NBAS: variants seen among roughly 807,000 people sequenced by gnomAD.
The protein encoded by NBAS is NBAS subunit of NRZ tethering complex.
Under a neutral mutation model 302.5 loss-of-function variants are expected in NBAS, and 219 were observed. The ratio of observed to expected loss-of-function variants is 0.72; its 90% CI spans 0.65 to 0.81. The LOEUF is 0.81. NBAS is among the 30% of genes least tolerant of loss of function. NBAS has a pLI of 0.00. For missense variants in NBAS, 2,932 were observed against 2,841.6 expected (o/e 1.03, Z -0.72); for synonymous variants, 1,118 against 1,021.6 (o/e 1.09, Z -1.80).
At chr2:15,520,399 C>T (rs1175395999) in intron 9 of NBAS, among the ~76,000 whole-genome samples, 1 of 152,112 alleles carries the variant, frequency 6.6e-6, no homozygotes, top group Non-Finnish European at 1.5e-5. Flanking sequence ...GAGCAAGACC[C>T]TGTCTCGAAG....
the NBAS span, among the ~76,000 whole-genome samples, chr2:14,895,093 G>A: frequency 6.6e-6 from 1 of 152,064 alleles, no homozygotes; most frequent in Non-Finnish European, 1.5e-5. Flanking sequence ...CATATTATTT[G>A]GGAATTAGGA....
chr2:15,545,737 T>C (rs1664077217), intron 6 of NBAS, among the ~76,000 whole-genome samples: 1 of 152,242 alleles, frequency 6.6e-6, no homozygotes, highest in Admixed American at 6.5e-5. Flanking sequence ...AATTCAATTC[T>C]ACACAAATTG....
At chr2:15,267,112 CT>C (rs1403616765) in intron 44 of NBAS, among the ~76,000 whole-genome samples, 3 of 152,158 alleles carry the variant, frequency 2.0e-5, no homozygotes, top group Non-Finnish European at 4.4e-5. Flanking sequence ...TAAATATTAT[CT>C]CTTCTTTGTA....
downstream of NBAS, among the ~76,000 whole-genome samples, chr2:15,163,210 G>A (rs56377318): frequency 0.11 from 17,354 of 152,210 alleles, 1,316 homozygotes; most frequent in South Asian, 0.23. Context: ...AGAATAGGGC[G>A]AAGAGAAGTG....
At chr2:15,216,888 C>A (rs991712263) in intron 48 of NBAS, among the ~76,000 whole-genome samples, 14 of 152,208 alleles carry the variant, frequency 9.2e-5, no homozygotes, top group Non-Finnish European at 1.6e-4. Flanking sequence ...GAAGGTGAAA[C>A]TGACCGAGGT....
the NBAS span, among the ~76,000 whole-genome samples, chr2:15,132,601 T>C: frequency 6.6e-6 from 1 of 152,188 alleles, no homozygotes; most frequent in Non-Finnish European, 1.5e-5. Flanking sequence ...AATGTGTCGA[T>C]ATAGGTTCTC....
chr2:14,889,732 TTGACTA>T, the NBAS span, among the ~76,000 whole-genome samples: 1 of 152,186 alleles, frequency 6.6e-6, no homozygotes, highest in South Asian at 2.1e-4. Context: ...ATGTAGGAAT[TTGACTA>T]TGGTATATTG....
intron 40 of NBAS, among the ~76,000 whole-genome samples, chr2:15,299,306 A>G (rs531914737): frequency 6.6e-6 from 1 of 152,346 alleles, no homozygotes; most frequent in South Asian, 2.1e-4. Flanking sequence ...GGAGGTGAAT[A>G]AAGTATGATT....
At chr2:14,833,681 C>A in the NBAS span, among the ~76,000 whole-genome samples, 1 of 150,420 alleles carries the variant, frequency 6.6e-6, no homozygotes, top group South Asian at 2.1e-4. Flanking sequence ...TATTACAATT[C>A]TTAAGAATAA....
chr2:15,162,078 C>A (rs1164438406), downstream of NBAS, among the ~76,000 whole-genome samples: 1 of 152,130 alleles, frequency 6.6e-6, no homozygotes, highest in African/African-American at 2.4e-5. Flanking sequence ...GAGGTGTGGA[C>A]AGAAAACAGA....
the NBAS span, among the ~76,000 whole-genome samples, chr2:15,086,484 G>A: frequency 6.6e-6 from 1 of 152,312 alleles, no homozygotes; most frequent in South Asian, 2.1e-4. Context: ...ACACAAACAG[G>A]GCTGAGACAT....
At chr2:14,824,610 C>T in the NBAS span, among the ~76,000 whole-genome samples, 1 of 152,142 alleles carries the variant, frequency 6.6e-6, no homozygotes, top group Non-Finnish European at 1.5e-5. Context: ...CACTCCAGAC[C>T]TGAGTCAGAA....
In NBAS at chr2:15,167,101, G is replaced by C. The variant is rs534262249; in HGVS notation, c.7063C>G (p.Gln2355Glu). 3.1e-6 allele frequency: 5 copies of C among 1,613,228 alleles called. No homozygotes were observed. The African/African-American group carries it at 6.7e-5, about 21-fold the overall frequency. The change falls in exon 52 of 52, where the codon CAG becomes GAG. Residue 2355 changes from glutamine to glutamate, a missense_variant. Transcript: ENST00000281513. ...SLLLAVRGTH[Q>E]AFRTFSTALR... ...GCTGTACTGAAGGTTCTGAAGGCCT[G>C]GTGAGTCCCCCTCACGGCCAGAAGG...
intron 19 of NBAS, among the ~76,000 whole-genome samples, chr2:15,464,934 C>G (rs1296844714): frequency 6.6e-6 from 1 of 152,226 alleles, no homozygotes; most frequent in African/African-American, 2.4e-5. Flanking sequence ...CACTGATTAT[C>G]AGCATGGGCT....
chr2:14,880,598 C>T, the NBAS span, among the ~76,000 whole-genome samples: 1 of 150,808 alleles, frequency 6.6e-6, no homozygotes, highest in African/African-American at 2.4e-5. Flanking sequence ...TGTGCTGAAA[C>T]TATAAAAAGA....
intron 38 of NBAS, among the ~76,000 whole-genome samples, chr2:15,320,499 C>T (rs1315126615): frequency 6.6e-6 from 1 of 152,094 alleles, no homozygotes; most frequent in African/African-American, 2.4e-5. Flanking sequence ...TTAGAAAACC[C>T]AATCATCTCA....
intron 22 of NBAS, among the ~76,000 whole-genome samples, chr2:15,424,868 C>T (rs777135017): frequency 2.6e-5 from 4 of 152,118 alleles, no homozygotes; most frequent in Non-Finnish European, 5.9e-5. Flanking sequence ...GAAAATATCC[C>T]CAGTGATTCC....
chr2:15,005,421 C>T, the NBAS span, among the ~76,000 whole-genome samples: 5 of 152,224 alleles, frequency 3.3e-5, no homozygotes, highest in African/African-American at 1.2e-4. Context: ...TTCATTTACA[C>T]AATGCACTAG....
intron 40 of NBAS, among the ~76,000 whole-genome samples, chr2:15,304,836 A>G (rs1670958104): frequency 1.3e-5 from 2 of 152,216 alleles, no homozygotes; most frequent in South Asian, 4.1e-4. Flanking sequence ...GGATGCTCTT[A>G]AAAGCAATCA....
Sources: gnomAD v4.1 joint callset for allele counts (sites outside exome capture counted in the v4.1 genomes callset) on GRCh38, gnomAD v4.1.1 for gene constraint, MANE v1.5 for transcripts, NCBI Gene and HGNC (gene_info 2026-07-23, HGNC 2026-07-21) for gene names.